Variants in NUP98 observed in about 807,000 individuals in gnomAD.
NUP98 encodes nuclear pore complex protein Nup98-Nup96.
In NUP98, 26 loss-of-function variants were observed where a neutral mutation model predicts 191.9. The ratio of observed to expected loss-of-function variants is 0.14; its 90% CI spans 0.10 to 0.19. NUP98 has a LOEUF of 0.19. NUP98 is among the 10% of genes least tolerant of loss of function. The pLI is 1.00. For missense variants in NUP98, 1,941 were observed against 2,178.8 expected (o/e 0.89, Z 2.17); for synonymous variants, 808 against 778.4 (o/e 1.04, Z -0.63).
chr11:3,719,026 A>T (rs2079290737), intron 18 of NUP98, among the ~76,000 whole-genome samples: 1 of 152,054 alleles, frequency 6.6e-6, no homozygotes, highest in African/African-American at 2.4e-5. Context: ...AGGCTGAGGC[A>T]GGAGAATCGC....
At chr11:3,689,371 A>G (rs2078234552) in intron 28 of NUP98, among the ~76,000 whole-genome samples, 1 of 151,804 alleles carries the variant, frequency 6.6e-6, no homozygotes, top group African/African-American at 2.4e-5. Context: ...CTAAAAATAC[A>G]AAAAAATTAG....
chr11:3,781,393 CA>C (rs1280588424), intron 2 of NUP98: 4 of 142,844 alleles, frequency 2.8e-5, no homozygotes, highest in Non-Finnish European at 6.0e-5. Flanking sequence ...ACATTTTTAA[CA>C]AAGTGTCACA....
intron 15 of NUP98, among the ~76,000 whole-genome samples, chr11:3,723,697 T>A (rs149066769): frequency 6.6e-6 from 1 of 151,998 alleles, no homozygotes; most frequent in East Asian, 1.9e-4. Context: ...GAAAAAAATG[T>A]TAGATTTTTA....
intron 20 of NUP98, among the ~76,000 whole-genome samples, 181 bp from the exon 21 acceptor site, chr11:3,706,808 C>G (rs1202037642): frequency 6.6e-6 from 1 of 152,158 alleles, no homozygotes; most frequent in Non-Finnish European, 1.5e-5. Context: ...CAAGATAAAC[C>G]AGTACTTTGA....
chr11:3,777,848 T>C (rs990137563), intron 4 of NUP98, among the ~76,000 whole-genome samples: 3 of 151,990 alleles, frequency 2.0e-5, no homozygotes, highest in Non-Finnish European at 4.4e-5. Flanking sequence ...CAGACTGCAT[T>C]ATATACTGTT....
At chr11:3,743,268 C>T (rs903693738) in intron 12 of NUP98, among the ~76,000 whole-genome samples, 17 of 151,716 alleles carry the variant, frequency 1.1e-4, no homozygotes, top group Middle Eastern at 6.8e-3. Flanking sequence ...CCACCCGCCT[C>T]GGCCTCCCAA....
chr11:3,723,451 T>C lies in NUP98; in HGVS notation c.1852A>G (p.Ser618Gly). ...TCATCAACAGGTTTGCTTAGGAAAC[T>C]AAATCTGCAAAGGAAAAGAAATAAT... ...SEYPENGERF[S>G]FLSKPVDENH... Residue 618 changes from serine to glycine, a missense_variant, in exon 16 of 33, where the codon AGT becomes GGT. Physicochemically the swap from Ser to Gly is moderately conservative, Grantham distance 56. Around this residue, in one of 6 missense-constraint regions of NUP98, gnomAD observed 453 missense variants for 438.2 expected, o/e 1.03. Coordinates refer to ENST00000324932, the MANE Select transcript of NUP98 (RefSeq NM_016320.5). The C allele has an allele frequency of 1.2e-6, 2 of 1,612,936 alleles. No homozygotes were observed. Among genetic ancestry groups the C allele is most frequent in the South Asian group, 2.2e-5 (2 of 91,050 alleles).
chr11:3,702,906 G>T lies in NUP98; in HGVS notation c.3083-14C>A. Reference sequence around the variant, plus strand: ...GTAACCCACCAACTGAAATGAAGCGGGAATGAAGGGGAGAAAGACTATTAC... The same window carrying T: ...GTAACCCACCAACTGAAATGAAGCGTGAATGAAGGGGAGAAAGACTATTAC... On this transcript the variant is annotated splice_polypyrimidine_tract_variant and intron_variant, in intron 22 of 32. Coordinates refer to ENST00000324932, the MANE Select transcript of NUP98 (RefSeq NM_016320.5). The T allele has an allele frequency of 6.3e-7, 1 of 1,580,756 alleles. No individual in the cohort carries two copies. Among genetic ancestry groups the T allele is most frequent in the Non-Finnish European group, 8.6e-7 (1 of 1,159,620 alleles).
Position 3,705,375 on chromosome 11 carries a change from T to C in NUP98, c.2926-19A>G, listed in dbSNP as rs1333240156. On this transcript the variant is annotated intron_variant, in intron 21 of 32. Transcript: ENST00000324932. ...TCATGATCTAAAAAGGCAATATCTATAGAATGAATGTGCTTCCCAGAATCA... is the reference window on the plus strand; with the variant it reads ...TCATGATCTAAAAAGGCAATATCTACAGAATGAATGTGCTTCCCAGAATCA... 6 of 1,611,444 alleles carry C rather than the reference T, an allele frequency of 3.7e-6. No homozygotes were observed. The highest frequency in any genetic ancestry group is 1.7e-5 in the Admixed American group (1 of 59,642).
intron 21 of NUP98, among the ~76,000 whole-genome samples, chr11:3,705,716 T>C (rs909628399): frequency 6.6e-5 from 10 of 152,206 alleles, no homozygotes; most frequent in Non-Finnish European, 1.2e-4. Flanking sequence ...CCTGTGCTAC[T>C]AGGTACTAAA....
At chr11:3,732,059 T>C (rs1048330426) in intron 13 of NUP98, among the ~76,000 whole-genome samples, 2 of 152,194 alleles carry the variant, frequency 1.3e-5, no homozygotes, top group African/African-American at 4.8e-5. Context: ...AAATTATTTG[T>C]CTGACATCTT....
intron 20 of NUP98, among the ~76,000 whole-genome samples, chr11:3,711,220 G>C (rs1461604278): frequency 6.6e-6 from 1 of 151,890 alleles, no homozygotes; most frequent in African/African-American, 2.4e-5. Flanking sequence ...ACTACAGCCT[G>C]GGCGACAACT....
In NUP98 at chr11:3,702,757, G is replaced by A; in HGVS notation, c.3218C>T (p.Pro1073Leu). Residue 1073 changes from proline (P) to leucine (L), a missense_variant, in exon 23 of 33, where the codon CCC becomes CTC. Physicochemically the swap from Pro to Leu is moderately conservative, Grantham distance 98. Around this residue, in one of 6 missense-constraint regions of NUP98, gnomAD observed 1,030 missense variants for 1,115.8 expected, o/e 0.92. Transcript: ENST00000324932. ...GGGCATTGTGAACACAGAAGTCAGGGGTGGAGGGACAGACCAAGAGGATGT... is the reference window on the plus strand; with the variant it reads ...GGGCATTGTGAACACAGAAGTCAGGAGTGGAGGGACAGACCAAGAGGATGT... Reference protein sequence around the residue: ...PSTSSWSVPPPLTSVFTMPSP... With the variant: ...PSTSSWSVPPLLTSVFTMPSP... 6.2e-7 allele frequency: 1 copy of A among 1,614,126 alleles called. No individual in the cohort carries two copies. Among genetic ancestry groups the A allele is most frequent in the South Asian group, 1.1e-5 (1 of 91,080 alleles).
chr11:3,750,309 G>C, intron 11 of NUP98, among the ~76,000 whole-genome samples: 1 of 151,644 alleles, frequency 6.6e-6, no homozygotes, highest in South Asian at 2.1e-4. Flanking sequence ...TTAGTACAGA[G>C]AGGGTCTCCC....
At chr11:3,683,898 G>A (rs1156897653) in intron 29 of NUP98, among the ~76,000 whole-genome samples, 3 of 151,944 alleles carry the variant, frequency 2.0e-5, no homozygotes, top group Admixed American at 1.3e-4. Flanking sequence ...ATCTCACACC[G>A]GTATTAATTT....
chr11:3,700,245 A>G (rs2078633397), intron 24 of NUP98, among the ~76,000 whole-genome samples: 1 of 138,724 alleles, frequency 7.2e-6, no homozygotes, highest in African/African-American at 2.7e-5. Flanking sequence ...TCCCAGCTAC[A>G]GTGACAGAGT....
chr11:3,706,729 T>C, intron 20 of NUP98, 102 bp from the exon 21 acceptor site: 1 of 1,145,278 alleles, frequency 8.7e-7, no homozygotes, highest in South Asian at 1.5e-5. Context: ...ACAACAATTA[T>C]TAGATTCAGC....
intron 12 of NUP98, among the ~76,000 whole-genome samples, chr11:3,738,883 T>C (rs1181694400): frequency 6.6e-6 from 1 of 151,774 alleles, no homozygotes; most frequent in Non-Finnish European, 1.5e-5. Flanking sequence ...GTGGAAACTC[T>C]ATGGAGGAAG....
rs1433135177 is a variant in NUP98, at chr11:3,786,576, TTAA to T, written c.-28-4434_-28-4432del. On this transcript the variant is annotated intron_variant, in intron 1 of 32. Coordinates refer to ENST00000324932, the MANE Select transcript of NUP98 (RefSeq NM_016320.5). ...TCCTCTATGCTCAAAAATCTCCTAA[TTAA>T]TAATTCAGATTCTCAGATACAAGAA... Among the ~76,000 whole-genome samples, 3 of 152,172 alleles carry T rather than the reference TTAA, an allele frequency of 2.0e-5. No individual in the cohort carries two copies. The East Asian group carries it at 5.8e-4, about 29-fold the overall frequency.
Sources: gnomAD v4.1 joint callset for allele counts (sites outside exome capture counted in the v4.1 genomes callset) on GRCh38, gnomAD v4.1.1 for gene constraint, gnomAD v4.1.1 regional missense constraint, MANE v1.5 for transcripts, NCBI Gene and HGNC (gene_info 2026-07-23, HGNC 2026-07-21) for gene names.